CIT: variants seen among roughly 807,000 people sequenced by gnomAD.
The protein encoded by CIT is citron Rho-interacting kinase.
In CIT, 79 loss-of-function variants were observed where a neutral mutation model predicts 272.7. That is an observed-to-expected ratio of 0.29 (90% CI 0.24 to 0.35). CIT has a LOEUF of 0.35. CIT is among the 10% of genes least tolerant of loss of function. The pLI, the probability that CIT is intolerant of heterozygous loss-of-function variation, is 1.00. For missense variants in CIT, 1,909 were observed against 2,618.3 expected (o/e 0.73, Z 5.91); for synonymous variants, 948 against 995.6 (o/e 0.95, Z 0.90).
chr12:119,758,470 G>C (rs1961319959), intron 21 of CIT, 121 bp downstream of exon 21: 1 of 700,706 alleles, frequency 1.4e-6, no homozygotes, highest in Non-Finnish European at 2.6e-6. Context: ...CTGAGGGCTG[G>C]GCTGAGCTAC....
chr12:119,756,785 G>A (rs1408394482), intron 22 of CIT, among the ~76,000 whole-genome samples: 6 of 152,100 alleles, frequency 3.9e-5, no homozygotes. Context: ...CAGCAGGAAT[G>A]GGCTTTAGGT....
intron 28 of CIT, among the ~76,000 whole-genome samples, chr12:119,725,602 G>C (rs1036522014): frequency 5.3e-5 from 8 of 152,174 alleles, no homozygotes; most frequent in Admixed American, 5.2e-4. Flanking sequence ...ACTGAAATCT[G>C]CCTCCGGCTC....
chr12:119,858,771 G>A (rs1253858266), intron 3 of CIT, among the ~76,000 whole-genome samples: 1 of 150,850 alleles, frequency 6.6e-6, no homozygotes, highest in East Asian at 1.9e-4. Context: ...GCAGTGAGCC[G>A]AGATCACACC....
At chr12:119,831,191 C>T (rs1220519377) in intron 7 of CIT, among the ~76,000 whole-genome samples, 1 of 152,136 alleles carries the variant, frequency 6.6e-6, no homozygotes, top group Non-Finnish European at 1.5e-5. Flanking sequence ...GATAAAACTG[C>T]ATTATTTTAA....
intron 40 of CIT, among the ~76,000 whole-genome samples, chr12:119,707,791 C>T (rs968058519): frequency 2.0e-5 from 3 of 152,250 alleles, no homozygotes; most frequent in Middle Eastern, 3.4e-3. Context: ...TGAGCCACCG[C>T]GCCCGGCCAG....
chr12:119,717,016 T>C (rs1437295436), intron 32 of CIT, among the ~76,000 whole-genome samples: 1 of 152,206 alleles, frequency 6.6e-6, no homozygotes, highest in Admixed American at 6.5e-5. Context: ...CTATGATATT[T>C]ATAAGAGAAA....
At chr12:119,763,267 G>T (rs1029887397) in intron 19 of CIT, among the ~76,000 whole-genome samples, 2 of 5,078 alleles carry the variant, frequency 3.9e-4, no homozygotes, top group Non-Finnish European at 8.8e-4. Context: ...TTTCACAAAA[G>T]GTTACTTTCA....
At chr12:119,867,491 G>A (rs1380880307) in intron 3 of CIT, among the ~76,000 whole-genome samples, 2 of 152,150 alleles carry the variant, frequency 1.3e-5, no homozygotes, top group African/African-American at 4.8e-5. Context: ...CCCAGCCACA[G>A]TGACTATTGT....
intron 3 of CIT, among the ~76,000 whole-genome samples, chr12:119,864,719 T>C (rs1478580298): frequency 6.6e-6 from 1 of 152,226 alleles, no homozygotes; most frequent in Non-Finnish European, 1.5e-5. Flanking sequence ...TTTATTTTGT[T>C]CACTGAGCAT....
At position 119,876,694 on chromosome 12, in the gene CIT, T is replaced by C. The variant is rs937423236; in HGVS notation, c.-13-513A>G. ...CCAAGACTTGAAGACCTGAAGCGAA[T>C]GACCAGCAAGCCATGTTGATATCTG... On this transcript the variant is annotated intron_variant, in intron 1 of 47. Transcript: ENST00000392521. Among the ~76,000 whole-genome samples, 63 of 152,238 alleles carry C rather than the reference T, an allele frequency of 4.1e-4. 1 individual carries two copies. Among genetic ancestry groups the C allele is most frequent in the South Asian group, 4.2e-4 (2 of 4,816 alleles).
intron 40 of CIT, among the ~76,000 whole-genome samples, chr12:119,705,751 GAC>G (rs1247017680): frequency 7.9e-6 from 1 of 126,964 alleles, no homozygotes; most frequent in African/African-American, 3.0e-5. Context: ...CAGCCTGGGT[GAC>G]AGAGTGAGAC....
rs1318675846 is a variant in CIT at position 119,804,347 on chromosome 12, C to T, written c.1112-958G>A. The T allele has an allele frequency of 2.0e-6, 2 of 985,608 alleles. No homozygotes were observed. The highest frequency in any genetic ancestry group is 2.4e-6 in the Non-Finnish European group (2 of 830,052). The allele number at this position is 985,608 out of a possible 1,614,324, so 61.1% of individuals were successfully genotyped here. On this transcript the variant is annotated intron_variant, in intron 9 of 47. Transcript: ENST00000392521. This position sits in a 1 kb window ranked among gnomAD's most constrained non-coding sequence, Gnocchi z 5.3. ...TACCATGGTTGCAAGCTGAGGCGTC[C>T]GTGGCGGGCCAGCCAGGCGAGTTAG...
chr12:119,802,605 T>C (rs1966293483), intron 10 of CIT, among the ~76,000 whole-genome samples: 1 of 152,192 alleles, frequency 6.6e-6, no homozygotes. Flanking sequence ...GGGCTTTCTC[T>C]GGCTGCCAGC....
intron 5 of CIT, among the ~76,000 whole-genome samples, chr12:119,835,539 C>T (rs1968934598): frequency 6.6e-6 from 1 of 152,134 alleles, no homozygotes; most frequent in South Asian, 2.1e-4. Flanking sequence ...ATTAGCCATG[C>T]TATAAATGTC....
At chr12:119,719,576 G>A (rs1005526988) in intron 30 of CIT, among the ~76,000 whole-genome samples, 2 of 152,176 alleles carry the variant, frequency 1.3e-5, no homozygotes, top group African/African-American at 2.4e-5. Context: ...TGCAGCCAAC[G>A]TCTAGTGGGA....
At chr12:119,720,698 C>A in intron 29 of CIT, 113 bp from the exon 30 acceptor site, 1 of 670,230 alleles carries the variant, frequency 1.5e-6, no homozygotes, top group East Asian at 2.8e-5. Flanking sequence ...TATGAAAATC[C>A]AACACAAACA....
intron 47 of CIT, among the ~76,000 whole-genome samples, chr12:119,689,524 A>C (rs1489889130): frequency 1.3e-5 from 2 of 152,042 alleles, no homozygotes; most frequent in Non-Finnish European, 2.9e-5. Flanking sequence ...ATTTGCTGGT[A>C]CGCACAGAAT....
intron 9 of CIT, among the ~76,000 whole-genome samples, chr12:119,809,225 G>A (rs1162498471): frequency 1.3e-5 from 2 of 152,152 alleles, no homozygotes; most frequent in Non-Finnish European, 2.9e-5. Flanking sequence ...TGTAAAACCA[G>A]AGTGCTGGGT....
At chr12:119,874,331 G>A (rs1026891155) in intron 2 of CIT, among the ~76,000 whole-genome samples, 15 of 152,024 alleles carry the variant, frequency 9.9e-5, no homozygotes, top group African/African-American at 3.4e-4. Flanking sequence ...CTCAGCCTCC[G>A]AAAATACTGG....
Sources: gnomAD v4.1 joint callset for allele counts (sites outside exome capture counted in the v4.1 genomes callset) on GRCh38, gnomAD v4.1.1 for gene constraint, Gnocchi (gnomAD v3.1) non-coding constraint, MANE v1.5 for transcripts, NCBI Gene and HGNC (gene_info 2026-07-23, HGNC 2026-07-21) for gene names.